The following PBX3 variants were observed in gnomAD, a reference collection of about 807,000 sequenced individuals.
The protein encoded by PBX3 is pre-B-cell leukemia transcription factor 3.
In PBX3, 14 loss-of-function variants were observed where a neutral mutation model predicts 48.5. That is an observed-to-expected ratio of 0.29 (90% confidence interval 0.19 to 0.45). The LOEUF is 0.45. PBX3 is among the 20% of genes least tolerant of loss of function. PBX3 has a pLI of 1.00. For missense variants in PBX3, 386 were observed against 546.7 expected (o/e 0.71, Z 2.93); for synonymous variants, 210 against 200.3 (o/e 1.05, Z -0.41).
At chr9:125,849,254 A>G (rs146892911) in intron 2 of PBX3, among the ~76,000 whole-genome samples, 2 of 152,074 alleles carry the variant, frequency 1.3e-5, no homozygotes, top group African/African-American at 4.8e-5. Flanking sequence ...TTATTTGCAG[A>G]TATAACAGAT....
chr9:125,778,297 C>T (rs532765649), intron 2 of PBX3, among the ~76,000 whole-genome samples: 96 of 146,936 alleles, frequency 6.5e-4, no homozygotes, highest in African/African-American at 2.3e-3. Flanking sequence ...CTCACTCTGT[C>T]GTTCAGGCTG....
intron 2 of PBX3, among the ~76,000 whole-genome samples, chr9:125,786,120 A>T (rs1837450832): frequency 6.6e-6 from 1 of 152,210 alleles, no homozygotes; most frequent in Admixed American, 6.5e-5. Flanking sequence ...AAAAGGGGGA[A>T]ATTAGTTTGA....
At chr9:125,882,425 T>TA (rs1840403627) in intron 2 of PBX3, among the ~76,000 whole-genome samples, 1 of 152,204 alleles carries the variant, frequency 6.6e-6, no homozygotes, top group Non-Finnish European at 1.5e-5. Flanking sequence ...ACGTTAAATA[T>TA]ATAAAAGCTG....
intron 2 of PBX3, among the ~76,000 whole-genome samples, chr9:125,796,375 G>C (rs1693301142): frequency 1.3e-5 from 2 of 152,212 alleles, no homozygotes; most frequent in South Asian, 4.1e-4. Flanking sequence ...ACTACCTCAG[G>C]GGTAGTGCAT....
chr9:125,915,063 T>A (rs543334582), intron 2 of PBX3, among the ~76,000 whole-genome samples: 77 of 152,332 alleles, frequency 5.1e-4, no homozygotes, highest in African/African-American at 1.8e-3. Flanking sequence ...TATAGTTTGC[T>A]GGCAATTGCT....
intron 2 of PBX3, among the ~76,000 whole-genome samples, chr9:125,825,751 T>C (rs904127221): frequency 7.9e-5 from 12 of 152,232 alleles, no homozygotes; most frequent in African/African-American, 2.4e-4. Flanking sequence ...TTAGAAAGTA[T>C]CCTCATTTCA....
At chr9:125,879,910 T>G (rs1840342966) in intron 2 of PBX3, among the ~76,000 whole-genome samples, 1 of 152,250 alleles carries the variant, frequency 6.6e-6, no homozygotes, top group Non-Finnish European at 1.5e-5. Context: ...GGGAAAGTCC[T>G]TAGATGTTTT....
intron 5 of PBX3, among the ~76,000 whole-genome samples, chr9:125,946,966 A>G (rs1441306685): frequency 6.6e-6 from 1 of 152,220 alleles, no homozygotes; most frequent in African/African-American, 2.4e-5. Context: ...CAATAAAACA[A>G]CAATTCAATG....
At position 125,963,033 on chromosome 9, in the gene PBX3, A is replaced by G. The variant is rs1230357042; in HGVS notation, c.1144A>G (p.Ile382Val). 1.2e-6 allele frequency: 2 copies of G among 1,607,190 alleles called. No individual in the cohort carries two copies. Among genetic ancestry groups the G allele is most frequent in the East Asian group, 2.2e-5 (1 of 44,728 alleles). Residue 382 changes from isoleucine (I) to valine (V), a missense_variant, in exon 8 of 9, where the codon ATC (isoleucine) becomes GTC (valine). Ile to Val is a conservative substitution (Grantham distance 29). Around this residue, in one of 4 missense-constraint regions of PBX3, gnomAD observed 127 missense variants for 143.3 expected, o/e 0.89. Transcript: ENST00000373489. ...CTAGGTGGATACCCTCCGTCATGTT[A>G]TCAATCAGACGGGAGGCTACAGTGA... Reference protein sequence around the residue: ...QSQVDTLRHVINQTGGYSDGL... With the variant: ...QSQVDTLRHVVNQTGGYSDGL...
chr9:125,867,533 A>G (rs549948396), intron 2 of PBX3, among the ~76,000 whole-genome samples: 20 of 150,266 alleles, frequency 1.3e-4, no homozygotes, highest in Admixed American at 1.1e-3. Context: ...CCAGCTACTC[A>G]GGAGGCTGAG....
intron 2 of PBX3, among the ~76,000 whole-genome samples, chr9:125,750,252 T>C (rs1836334080): frequency 6.6e-6 from 1 of 152,232 alleles, no homozygotes; most frequent in Non-Finnish European, 1.5e-5. Flanking sequence ...TTATACAGCC[T>C]TATATTACTA....
At chr9:125,752,720 A>G (rs1836409687) in intron 2 of PBX3, among the ~76,000 whole-genome samples, 2 of 152,312 alleles carry the variant, frequency 1.3e-5, no homozygotes, top group South Asian at 4.1e-4. Context: ...AATTCTACAT[A>G]TGTAAAAATC....
At chr9:125,904,971 T>C (rs1841036479) in intron 2 of PBX3, among the ~76,000 whole-genome samples, 1 of 151,966 alleles carries the variant, frequency 6.6e-6, no homozygotes, top group African/African-American at 2.4e-5. Flanking sequence ...TTTCCATGGT[T>C]TACCACTAAA....
At chr9:125,803,433 T>G (rs1838028704) in intron 2 of PBX3, among the ~76,000 whole-genome samples, 1 of 152,146 alleles carries the variant, frequency 6.6e-6, no homozygotes, top group Non-Finnish European at 1.5e-5. Context: ...AAAAAAAAAT[T>G]ATTTTCCAGG....
chr9:125,827,191 A>T (rs1037808975), intron 2 of PBX3, among the ~76,000 whole-genome samples: 1 of 152,164 alleles, frequency 6.6e-6, no homozygotes, highest in Admixed American at 6.6e-5. Context: ...ATTTGAATGA[A>T]TTATTAGTGG....
intron 6 of PBX3, 48 bp from the exon 7 acceptor site, chr9:125,962,054 A>G (rs1314294217): frequency 1.3e-5 from 12 of 911,414 alleles, no homozygotes; most frequent in Non-Finnish European, 2.2e-5. Context: ...TTTGAGGATT[A>G]TGTGTGTAGC....
chr9:125,887,537 A>G (rs1372979882), intron 2 of PBX3, among the ~76,000 whole-genome samples: 5 of 152,202 alleles, frequency 3.3e-5, no homozygotes, highest in Non-Finnish European at 7.4e-5. Context: ...TATGTTGCGT[A>G]TGCACAATTC....
chr9:125,855,245 A>G (rs892364141), intron 2 of PBX3, among the ~76,000 whole-genome samples: 2 of 152,170 alleles, frequency 1.3e-5, no homozygotes, highest in African/African-American at 4.8e-5. Context: ...CAGTCCAAGA[A>G]TGAATAACTG....
intron 2 of PBX3, among the ~76,000 whole-genome samples, chr9:125,810,983 C>T (rs1838273354): frequency 1.3e-5 from 2 of 152,150 alleles, no homozygotes; most frequent in Admixed American, 6.5e-5. Flanking sequence ...TCAGGCACTC[C>T]TGGGGATCCT....
Sources: allele counts gnomAD v4.1 joint callset (sites outside exome capture counted in the v4.1 genomes callset), GRCh38; gene constraint gnomAD v4.1.1; regional missense constraint gnomAD v4.1.1; transcripts MANE v1.5; gene names NCBI Gene and HGNC (gene_info 2026-07-23, HGNC 2026-07-21).